Variants in HBS1L observed in about 807,000 individuals in gnomAD.
The protein encoded by HBS1L is HBS1-like protein.
In HBS1L, 55 loss-of-function variants were observed where a neutral mutation model predicts 88.9. The ratio of observed to expected loss-of-function variants is 0.62; its 90% CI spans 0.50 to 0.77. The LOEUF (loss-of-function observed/expected upper bound fraction) is 0.77. Ranked by LOEUF, HBS1L falls within the 30% of genes least tolerant of loss-of-function variation. The probability of loss-of-function intolerance (pLI) is 0.00; values close to 1 mark genes in which losing one functional copy is unlikely to be tolerated. For missense variants in HBS1L, 741 were observed against 829.3 expected, an observed-to-expected ratio of 0.89 and a Z score of 1.31; for synonymous variants, 267 against 288.5, an observed-to-expected ratio of 0.93 and a Z score of 0.76.
intron 4 of HBS1L, among the ~76,000 whole-genome samples, chr6:135,008,549 G>A (rs1324887694): frequency 6.6e-6 from 1 of 152,124 alleles, no homozygotes; most frequent in Non-Finnish European, 1.5e-5. Flanking sequence ...GGCTCTCCTG[G>A]TTCCTTCCTG....
chr6:134,960,465 TG>T lies in HBS1L; in HGVS notation c.*4813del, dbSNP rs1376556955. 1 of 152,076 alleles carries T rather than the reference TG, an allele frequency of 6.6e-6. No homozygotes were observed. The highest frequency in any genetic ancestry group is 1.5e-5 in the Non-Finnish European group (1 of 67,936). 9.4% of individuals were successfully genotyped at this position (152,076 alleles called of 1,614,324 possible). On this transcript the variant is annotated 3_prime_UTR_variant, in exon 18 of 18. Coordinates refer to ENST00000367837, the MANE Select transcript of HBS1L (RefSeq NM_006620.4). ...AGAGCTATGAGAATTCCTCAATAAT[TG>T]TAACTATGCCCTTTAATTTTTAATT...
chr6:135,011,257 C>T (rs76619074), intron 4 of HBS1L, among the ~76,000 whole-genome samples: 2 of 152,148 alleles, frequency 1.3e-5, no homozygotes, highest in African/African-American at 4.8e-5. Flanking sequence ...CTCATGCCTA[C>T]AAATCCCAGC....
intron 4 of HBS1L, chr6:135,038,153 G>A (rs1356029755): frequency 8.9e-6 from 6 of 675,502 alleles, no homozygotes; most frequent in Non-Finnish European, 1.4e-5. Context: ...ATTATGACAT[G>A]AATAAAGTGA....
chr6:135,040,917 T>C (rs1036151052), intron 3 of HBS1L, among the ~76,000 whole-genome samples: 3 of 152,126 alleles, frequency 2.0e-5, no homozygotes, highest in Non-Finnish European at 4.4e-5. Flanking sequence ...CTTTTATGTA[T>C]ATTTCTTTTG....
chr6:135,010,246 C>T (rs1030742526), intron 4 of HBS1L, among the ~76,000 whole-genome samples: 1 of 152,108 alleles, frequency 6.6e-6, no homozygotes, highest in African/African-American at 2.4e-5. Flanking sequence ...TGAGCCTTGA[C>T]CTAGTCATCG....
At chr6:135,018,229 T>C (rs1303098728) in intron 4 of HBS1L, among the ~76,000 whole-genome samples, 1 of 152,090 alleles carries the variant, frequency 6.6e-6, no homozygotes, top group Non-Finnish European at 1.5e-5. Flanking sequence ...CAGATGTACA[T>C]TCAGAAAGTA....
At chr6:134,968,319 G>A (rs373008391) in intron 16 of HBS1L, among the ~76,000 whole-genome samples, 29 of 151,058 alleles carry the variant, frequency 1.9e-4, no homozygotes, top group African/African-American at 4.6e-4. Context: ...TGCGATCACC[G>A]CTCACTGCAA....
chr6:135,054,407 A>G (rs528175588), intron 1 of HBS1L, among the ~76,000 whole-genome samples: 1 of 152,238 alleles, frequency 6.6e-6, no homozygotes, highest in Non-Finnish European at 1.5e-5. Flanking sequence ...TATCCTACCC[A>G]TATGACGCTA....
Position 135,002,851 on chromosome 6 carries a change from G to GGAGTAAAA in HBS1L, c.431-17_431-10dup, listed in dbSNP as rs1373805130. 4.1e-5 allele frequency: 64 copies of GGAGTAAAA among 1,577,202 alleles called. No homozygotes were observed. Among genetic ancestry groups the GGAGTAAAA allele is most frequent in the Non-Finnish European group, 5.1e-5 (59 of 1,147,666 alleles). On this transcript the variant is annotated splice_polypyrimidine_tract_variant and intron_variant, in intron 4 of 17. Coordinates refer to ENST00000367837, the MANE Select transcript of HBS1L (RefSeq NM_006620.4). ...GGAATCTACTGGTTTTCCTAGTTAA[G>GGAGTAAAA]GAGTAAAATATAAAAGGCCAATTAA...
intron 4 of HBS1L, chr6:135,035,867 CT>C: frequency 1.3e-6 from 1 of 760,822 alleles, no homozygotes; most frequent in Non-Finnish European, 1.6e-6. Flanking sequence ...CTTGAAAACA[CT>C]TTTTATATAT....
chr6:135,014,620 A>C (rs1350663871), intron 4 of HBS1L, among the ~76,000 whole-genome samples: 2 of 152,208 alleles, frequency 1.3e-5, no homozygotes, highest in African/African-American at 4.8e-5. Flanking sequence ...GAGATTAATT[A>C]AATCTTAGGA....
At chr6:134,976,968 TAG>T (rs1382816442) in intron 15 of HBS1L, among the ~76,000 whole-genome samples, 1 of 152,028 alleles carries the variant, frequency 6.6e-6, no homozygotes, top group Non-Finnish European at 1.5e-5. Context: ...GCTACTGAAA[TAG>T]AGTTTCCCAT....
chr6:135,022,421 T>C lies in HBS1L; in HGVS notation c.430+17152A>G, dbSNP rs530361481. Among the ~76,000 whole-genome samples the C allele has an allele frequency of 8.5e-5, 13 of 152,300 alleles. No homozygotes were observed. In the South Asian group the frequency reaches 2.7e-3, roughly 32 times the overall value. On this transcript the variant is annotated intron_variant, in intron 4 of 17. Coordinates refer to ENST00000367837, the MANE Select transcript of HBS1L (RefSeq NM_006620.4). ...CAGCTGTTCATGAAGATACACAGTTTTGAGAGTCTAAAGCAAATTATTTTT... is the reference window on the plus strand; with the variant it reads ...CAGCTGTTCATGAAGATACACAGTTCTGAGAGTCTAAAGCAAATTATTTTT...
intron 4 of HBS1L, chr6:135,038,061 T>C (rs1308098918): frequency 6.9e-7 from 1 of 1,440,074 alleles, no homozygotes; most frequent in Admixed American, 2.9e-5. Flanking sequence ...TTCAGATGAA[T>C]AGGTTGATAT....
chr6:135,016,575 GT>G (rs1775928480), intron 4 of HBS1L, among the ~76,000 whole-genome samples: 2 of 152,164 alleles, frequency 1.3e-5, no homozygotes, highest in South Asian at 4.1e-4. Flanking sequence ...TCAACTTTAA[GT>G]CACACATGAT....
chr6:134,967,088 G>A (rs1387442456), intron 16 of HBS1L, among the ~76,000 whole-genome samples: 1 of 152,152 alleles, frequency 6.6e-6, no homozygotes, highest in Non-Finnish European at 1.5e-5. Context: ...TATGATACTT[G>A]TAAAATATGA....
intron 12 of HBS1L, among the ~76,000 whole-genome samples, chr6:134,984,411 A>C (rs1774921022): frequency 6.6e-6 from 1 of 152,194 alleles, no homozygotes; most frequent in South Asian, 2.1e-4. Context: ...AGTGGGATAA[A>C]CAGACAGCAT....
chr6:135,000,827 C>G (rs1186548894), intron 5 of HBS1L, among the ~76,000 whole-genome samples: 1 of 152,070 alleles, frequency 6.6e-6, no homozygotes, highest in East Asian at 1.9e-4. Context: ...AATAAGACAC[C>G]ACTGAGAATC....
chr6:134,997,412 T>C lies in HBS1L; in HGVS notation c.784A>G (p.Asn262Asp). Residue 262 changes from asparagine to aspartate, a missense_variant, in exon 6 of 18, where the codon AAC becomes GAC. Around this residue, in one of 3 missense-constraint regions of HBS1L, gnomAD observed 556 missense variants for 598.4 expected, o/e 0.93. Transcript: ENST00000367837. ...EKRQGGKQLL[N>D]LVVIGHVDAG... Reference sequence around the variant, plus strand: ...AGAGCATTACCAATGACCACTAAGTTGAGTAGCTGCTTCCCTCCTTGCCGC... The same window carrying C: ...AGAGCATTACCAATGACCACTAAGTCGAGTAGCTGCTTCCCTCCTTGCCGC... 6.2e-7 allele frequency: 1 copy of C among 1,614,000 alleles called. No homozygotes were observed. The highest frequency in any genetic ancestry group is 1.7e-4 in the Middle Eastern group (1 of 6,060).
Sources: gnomAD v4.1 joint callset for allele counts (sites outside exome capture counted in the v4.1 genomes callset) on GRCh38, gnomAD v4.1.1 for gene constraint, gnomAD v4.1.1 regional missense constraint, MANE v1.5 for transcripts, NCBI Gene and HGNC (gene_info 2026-07-23, HGNC 2026-07-21) for gene names.